WDFY2: variants seen among roughly 807,000 people sequenced by gnomAD.
WDFY2 encodes WD repeat and FYVE domain containing 2, also known as WD repeat and FYVE domain-containing protein 2.
Under a neutral mutation model 56.4 loss-of-function variants are expected in WDFY2, and 36 were observed. The observed-to-expected ratio is 0.64, with a 90% CI of 0.49 to 0.84. WDFY2 has a LOEUF of 0.84. Ranked by LOEUF, WDFY2 falls within the 40% of genes least tolerant of loss-of-function variation. WDFY2 has a pLI of 0.00. For missense variants in WDFY2, 444 were observed against 512.2 expected (o/e 0.87, Z 1.29); for synonymous variants, 176 against 183.7 (o/e 0.96, Z 0.34).
intron 1 of WDFY2, chr13:51,599,505 A>C (rs2138307883): frequency 6.5e-6 from 1 of 154,554 alleles, no homozygotes; most frequent in South Asian, 2.1e-4. Flanking sequence ...CAGTTGACTG[A>C]CTAAATGGAA....
intron 6 of WDFY2, among the ~76,000 whole-genome samples, chr13:51,731,384 A>G (rs925351162): frequency 5.3e-5 from 8 of 152,348 alleles, no homozygotes; most frequent in South Asian, 4.1e-4. Flanking sequence ...GATACGAAAT[A>G]TGACCTTGGC....
At chr13:51,588,671 A>C (rs997610071) in intron 1 of WDFY2, 1 of 152,072 alleles carries the variant, frequency 6.6e-6, no homozygotes. Flanking sequence ...TAGATAGAGG[A>C]GGCAAGAAAA....
intron 3 of WDFY2, among the ~76,000 whole-genome samples, chr13:51,679,554 G>A (rs1955943860): frequency 6.6e-6 from 1 of 152,138 alleles, no homozygotes; most frequent in African/African-American, 2.4e-5. Flanking sequence ...AAAAATAACT[G>A]ACATTGACTG....
rs1007438298 is a variant in WDFY2 at position 51,765,066 on chromosome 13, C to G, written c.*5297C>G. The G allele has an allele frequency of 6.6e-6, 1 of 152,372 alleles. No individual in the cohort carries two copies. Among genetic ancestry groups the G allele is most frequent in the South Asian group, 2.1e-4 (1 of 4,822 alleles). 9.4% of individuals were successfully genotyped at this position (152,372 alleles called of 1,614,324 possible). On this transcript the variant is annotated 3_prime_UTR_variant, in exon 12 of 12. Coordinates refer to ENST00000298125, the MANE Select transcript of WDFY2 (RefSeq NM_052950.4). The stretch of plus-strand genomic sequence containing the variant: ...GAGGTCCTCCTTACAGGGGCACTTG[C>G]AACAGGAAGGCAGAGAGTTTCGTCA...
chr13:51,729,411 T>TAAA (rs766653299), intron 6 of WDFY2, among the ~76,000 whole-genome samples: 74 of 136,900 alleles, frequency 5.4e-4, no homozygotes, highest in East Asian at 1.7e-3. Context: ...ATAGAAGCTT[T>TAAA]AAAAAAAAAA....
Position 51,760,099 on chromosome 13 carries a change from T to C in WDFY2, c.*330T>C, listed in dbSNP as rs1953534665. 4.3e-6 allele frequency: 1 copy of C among 231,064 alleles called. No individual in the cohort carries two copies. The highest frequency in any genetic ancestry group is 2.2e-5 in the African/African-American group (1 of 44,496). The allele number at this position is 231,064 out of a possible 1,614,324, so 14.3% of individuals were successfully genotyped here. ...ACTTTTCAACACCCCATTTTACTTG[T>C]TGCTTTGTCAGAGAAATAAGGGAGG... On this transcript the variant is annotated 3_prime_UTR_variant, in exon 12 of 12. Coordinates refer to ENST00000298125, the MANE Select transcript of WDFY2 (RefSeq NM_052950.4).
chr13:51,716,692 C>CAA (rs34618973), intron 4 of WDFY2, among the ~76,000 whole-genome samples: 7,883 of 54,860 alleles, frequency 0.14, 701 homozygotes, highest in Non-Finnish European at 0.2. Flanking sequence ...GACTCCGTCT[C>CAA]AAAAAAAAAA....
At chr13:51,630,960 A>G (rs1005032748) in intron 1 of WDFY2, among the ~76,000 whole-genome samples, 1 of 151,150 alleles carries the variant, frequency 6.6e-6, no homozygotes, top group African/African-American at 2.4e-5. Flanking sequence ...CTGTATTTTT[A>G]GTACAGACGG....
At chr13:51,751,556 GGTT>G (rs1179035046) in intron 8 of WDFY2, 141 bp downstream of exon 8, 3 of 850,350 alleles carry the variant, frequency 3.5e-6, no homozygotes, top group Non-Finnish European at 5.5e-6. Flanking sequence ...GAGTTGTTTG[GGTT>G]GTTTTTTTTT....
chr13:51,742,215 A>G (rs1952991800), intron 7 of WDFY2, among the ~76,000 whole-genome samples: 1 of 152,224 alleles, frequency 6.6e-6, no homozygotes. Flanking sequence ...ACATTTTTAT[A>G]ACTAGCTTGA....
intron 3 of WDFY2, among the ~76,000 whole-genome samples, chr13:51,702,978 G>A (rs1952015095): frequency 6.6e-6 from 1 of 152,124 alleles, no homozygotes; most frequent in South Asian, 2.1e-4. Context: ...CCCACCAAGG[G>A]TATATATAAT....
intron 6 of WDFY2, among the ~76,000 whole-genome samples, chr13:51,738,535 A>G (rs536246122): frequency 1.3e-5 from 2 of 152,364 alleles, no homozygotes; most frequent in South Asian, 4.1e-4. Flanking sequence ...TAAGAACATA[A>G]GAAGTTTGCC....
intron 6 of WDFY2, among the ~76,000 whole-genome samples, chr13:51,738,538 A>AGTTT (rs1343748828): frequency 1.3e-5 from 2 of 152,234 alleles, no homozygotes; most frequent in Non-Finnish European, 2.9e-5. Flanking sequence ...GAACATAAGA[A>AGTTT]GTTTGCCCGG....
At chr13:51,625,949 A>C (rs1486059776) in intron 1 of WDFY2, among the ~76,000 whole-genome samples, 2 of 152,222 alleles carry the variant, frequency 1.3e-5, no homozygotes, top group African/African-American at 4.8e-5. Context: ...TTTATAAATA[A>C]GCCCAGGTAA....
intron 2 of WDFY2, among the ~76,000 whole-genome samples, chr13:51,669,793 G>A (rs1048761863): frequency 4.6e-5 from 7 of 152,338 alleles, no homozygotes; most frequent in African/African-American, 1.7e-4. Flanking sequence ...TATGTGAGAA[G>A]TCTTGGCAAA....
chr13:51,683,932 G>A (rs1162082600), intron 3 of WDFY2, among the ~76,000 whole-genome samples: 2 of 152,092 alleles, frequency 1.3e-5, no homozygotes, highest in East Asian at 1.9e-4. Context: ...TTCTTTCCAA[G>A]ATGTGTGCCC....
chr13:51,635,983 A>G lies in WDFY2; in HGVS notation c.138-24613A>G, dbSNP rs575471740. On this transcript the variant is annotated intron_variant, in intron 1 of 11. Coordinates refer to ENST00000298125, the MANE Select transcript of WDFY2 (RefSeq NM_052950.4). Reference sequence around the variant, plus strand: ...TCCCTTCTCAGATATGGAAGCACCTACATACACTTTAACCTGGCTTGACTC... The same window carrying G: ...TCCCTTCTCAGATATGGAAGCACCTGCATACACTTTAACCTGGCTTGACTC... Among the ~76,000 whole-genome samples the G allele has an allele frequency of 2.6e-5, 4 of 152,316 alleles. No homozygotes were observed. The South Asian group carries it at 6.2e-4, about 24-fold the overall frequency.
intron 7 of WDFY2, among the ~76,000 whole-genome samples, chr13:51,739,575 A>T (rs2138688843): frequency 6.6e-6 from 1 of 152,328 alleles, no homozygotes; most frequent in East Asian, 1.9e-4. Context: ...GCATACGGAA[A>T]AGAGGAGAGG....
intron 1 of WDFY2, among the ~76,000 whole-genome samples, chr13:51,622,769 T>G (rs1195506388): frequency 6.6e-6 from 1 of 151,622 alleles, no homozygotes; most frequent in Non-Finnish European, 1.5e-5. Context: ...ATAGTTACAG[T>G]AGAGTAGGGG....
Sources: allele counts gnomAD v4.1 joint callset (sites outside exome capture counted in the v4.1 genomes callset), GRCh38; gene constraint gnomAD v4.1.1; transcripts MANE v1.5; gene names NCBI Gene and HGNC (gene_info 2026-07-23, HGNC 2026-07-21).